ATP9B: variants seen among roughly 807,000 people sequenced by gnomAD.
The protein encoded by ATP9B is probable phospholipid-transporting ATPase IIB.
ATP9B carries 110 observed loss-of-function variants against 146.1 expected under a neutral mutation model. The ratio of observed to expected loss-of-function variants is 0.75; its 90% CI spans 0.65 to 0.88. The LOEUF is 0.88. ATP9B is among the 40% of genes least tolerant of loss of function. The pLI is 0.00. For synonymous variants in ATP9B, 604 were observed against 569.7 expected, an observed-to-expected ratio of 1.06 and a Z score of -0.86; for missense variants, 1,499 against 1,496.4, an observed-to-expected ratio of 1.00 and a Z score of -0.03.
intron 1 of ATP9B, among the ~76,000 whole-genome samples, chr18:79,092,757 G>A (rs1394967414): frequency 1.3e-5 from 2 of 151,040 alleles, no homozygotes; most frequent in African/African-American, 4.9e-5. Flanking sequence ...TATGTCACTG[G>A]GAAGGCAGTA....
intron 13 of ATP9B, among the ~76,000 whole-genome samples, chr18:79,301,117 T>C (rs4641820): frequency 0.015 from 2,307 of 152,350 alleles, 64 homozygotes; most frequent in African/African-American, 0.053. Context: ...TACCCTAATA[T>C]GAATTAATGT....
At chr18:79,252,458 G>C (rs1031704985) in intron 11 of ATP9B, among the ~76,000 whole-genome samples, 23 of 152,166 alleles carry the variant, frequency 1.5e-4, no homozygotes, top group African/African-American at 5.3e-4. Flanking sequence ...TCACTGGACT[G>C]CCTTGTGGTC....
chr18:79,361,397 G>A (rs11665475), intron 26 of ATP9B: 34,829 of 152,022 alleles, frequency 0.23, 4,692 homozygotes, highest in East Asian at 0.52. Flanking sequence ...TACTGGTGCC[G>A]TTGAACCCTG....
intron 11 of ATP9B, among the ~76,000 whole-genome samples, chr18:79,228,357 A>G (rs555358286): frequency 5.3e-5 from 8 of 152,326 alleles, no homozygotes; most frequent in Admixed American, 2.6e-4. Flanking sequence ...CATTCTTTAC[A>G]TGGACTTCCA....
At chr18:79,213,413 A>G (rs955653124) in intron 10 of ATP9B, among the ~76,000 whole-genome samples, 9 of 152,154 alleles carry the variant, frequency 5.9e-5, no homozygotes, top group African/African-American at 1.7e-4. Context: ...AAAGAGAGTA[A>G]TAGCTTCTAA....
chr18:79,239,535 G>A lies in ATP9B; in HGVS notation c.1108-13846G>A, dbSNP rs2095870599. 6.6e-6 allele frequency among the ~76,000 whole-genome samples: 1 copy of A among 152,148 alleles called. No individual in the cohort carries two copies. Among genetic ancestry groups the A allele is most frequent in the Non-Finnish European group, 1.5e-5 (1 of 68,028 alleles). On this transcript the variant is annotated intron_variant, in intron 11 of 29. Transcript: ENST00000426216. This position sits in a 1 kb window ranked among gnomAD's most constrained non-coding sequence, Gnocchi z 5.1. ...CACGGCACTTAAAATTGTCTTCAGAGGATGATTTCCTTCAACCTGGAGTCA... is the reference window on the plus strand; with the variant it reads ...CACGGCACTTAAAATTGTCTTCAGAAGATGATTTCCTTCAACCTGGAGTCA...
chr18:79,367,144 G>A (rs7226557), intron 26 of ATP9B, among the ~76,000 whole-genome samples: 9 of 99,050 alleles, frequency 9.1e-5, no homozygotes, highest in African/African-American at 3.9e-4. Flanking sequence ...CCGTGTGTAC[G>A]CAGAGAAAGC....
Position 79,275,554 on chromosome 18 carries a change from CAT to C in ATP9B, c.1269-1498_1269-1497del, listed in dbSNP as rs2096298468. ...TGAACATTTGGCAGGCAGCAGTTCA[CAT>C]AGTCTTCAGCACAGCTGATAAAGGT... On this transcript the variant is annotated intron_variant, in intron 12 of 29. Coordinates refer to ENST00000426216, the MANE Select transcript of ATP9B (RefSeq NM_198531.5). 2.0e-5 allele frequency among the ~76,000 whole-genome samples: 3 copies of C among 152,352 alleles called. No individual in the cohort carries two copies. The East Asian group carries it at 5.8e-4, about 29-fold the overall frequency.
At chr18:79,135,183 A>G (rs2094433239) in intron 5 of ATP9B, among the ~76,000 whole-genome samples, 2 of 152,200 alleles carry the variant, frequency 1.3e-5, no homozygotes, top group South Asian at 4.1e-4. Context: ...TGAGTACAGT[A>G]TGGGCCTTAT....
intron 25 of ATP9B, among the ~76,000 whole-genome samples, chr18:79,348,530 C>T (rs1200095180): frequency 2.6e-5 from 4 of 152,246 alleles, no homozygotes; most frequent in African/African-American, 9.6e-5. Flanking sequence ...CGGCTCTCTG[C>T]AGGCTGCCCT....
intron 11 of ATP9B, among the ~76,000 whole-genome samples, chr18:79,221,702 C>T (rs1270530799): frequency 6.6e-6 from 1 of 152,202 alleles, no homozygotes; most frequent in Non-Finnish European, 1.5e-5. Flanking sequence ...GCCTGGGTTA[C>T]AGAGCCAGAC....
intron 2 of ATP9B, among the ~76,000 whole-genome samples, chr18:79,099,514 C>T (rs539969665): frequency 6.6e-6 from 1 of 152,300 alleles, no homozygotes; most frequent in African/African-American, 2.4e-5. Flanking sequence ...AGCCACCGTC[C>T]CTGGGCCCAA....
chr18:79,216,315 T>C (rs2148440106), intron 11 of ATP9B, among the ~76,000 whole-genome samples: 1 of 152,292 alleles, frequency 6.6e-6, no homozygotes, highest in East Asian at 1.9e-4. Flanking sequence ...TGGTTTGGAA[T>C]GTAGCCCTGA....
intron 12 of ATP9B, chr18:79,255,230 C>G (rs549625186): frequency 6.6e-6 from 1 of 152,166 alleles, no homozygotes; most frequent in Non-Finnish European, 1.5e-5. Context: ...AAATACCCCC[C>G]GCCCACTGGC....
At chr18:79,354,723 A>AGAGGGGGCAAGGGGC in intron 25 of ATP9B, among the ~76,000 whole-genome samples, 1 of 150,620 alleles carries the variant, frequency 6.6e-6, no homozygotes, top group African/African-American at 2.4e-5. Flanking sequence ...CGAGGTGAAC[A>AGAGGGGGCAAGGGGC]GAGGGGGCAA....
At chr18:79,278,200 C>CA (rs2096335000) in intron 13 of ATP9B, among the ~76,000 whole-genome samples, 1 of 152,170 alleles carries the variant, frequency 6.6e-6, no homozygotes, top group African/African-American at 2.4e-5. Flanking sequence ...ATAGAAGACA[C>CA]AGAGGCAGGA....
chr18:79,207,170 G>A (rs2095542317), intron 10 of ATP9B, among the ~76,000 whole-genome samples, 158 bp downstream of exon 10: 1 of 152,240 alleles, frequency 6.6e-6, no homozygotes, highest in African/African-American at 2.4e-5. Flanking sequence ...ACAGTCCTGG[G>A]AGCTTGTGGT....
intron 1 of ATP9B, among the ~76,000 whole-genome samples, chr18:79,073,223 G>A (rs2072163170): frequency 6.6e-6 from 1 of 152,170 alleles, no homozygotes; most frequent in South Asian, 2.1e-4. Context: ...TTCCTAGATG[G>A]GGTGGCAGCT....
chr18:79,206,828 G>A, intron 9 of ATP9B, 109 bp from the exon 10 acceptor site: 1 of 997,418 alleles, frequency 1.0e-6, no homozygotes, highest in African/African-American at 1.6e-5. Flanking sequence ...TTGCACTGCT[G>A]TTCACTTGGA....
Sources: allele counts gnomAD v4.1 joint callset (sites outside exome capture counted in the v4.1 genomes callset), GRCh38; gene constraint gnomAD v4.1.1; non-coding constraint Gnocchi (gnomAD v3.1); transcripts MANE v1.5; gene names NCBI Gene and HGNC (gene_info 2026-07-23, HGNC 2026-07-21).